The following PPP2R5B variants were observed in gnomAD, a reference collection of about 807,000 sequenced individuals.
The protein encoded by PPP2R5B is protein phosphatase 2 regulatory subunit B'beta, also known as serine/threonine-protein phosphatase 2A 56 kDa regulatory subunit beta isoform.
A neutral mutation model predicts 59.9 loss-of-function variants in PPP2R5B; 19 were observed. The observed-to-expected ratio is 0.32, with a 90% confidence interval of 0.22 to 0.47. The LOEUF is 0.47. Among genes scored for constraint, PPP2R5B ranks in the 20% least tolerant of loss-of-function variants. The pLI, the probability that PPP2R5B is intolerant of heterozygous loss-of-function variation, is 1.00. For missense variants in PPP2R5B, 441 were observed against 640.2 expected, an observed-to-expected ratio of 0.69 and a Z score of 3.36; for synonymous variants, 286 against 260.5, an observed-to-expected ratio of 1.10 and a Z score of -0.94.
Position 64,928,177 on chromosome 11 carries a change from G to A in PPP2R5B, c.591+19G>A. ...CCTGATGGTGAAGTGGGGAGCCCAG[G>A]CTGGGTGGTACCACAAGGCAGGGGC... On this transcript the variant is annotated intron_variant, in intron 5 of 13. Coordinates refer to ENST00000164133, the MANE Select transcript of PPP2R5B (RefSeq NM_006244.4). 1 of 1,614,068 alleles carries A rather than the reference G, an allele frequency of 6.2e-7. No individual in the cohort carries two copies. Among genetic ancestry groups the A allele is most frequent in the East Asian group, 2.2e-5 (1 of 44,890 alleles).
intron 6 of PPP2R5B, 79 bp from the exon 7 acceptor site, chr11:64,930,242 AG>A (rs1945213945): frequency 6.8e-7 from 1 of 1,473,736 alleles, no homozygotes. Context: ...CGTGCAGGTG[AG>A]GGTGGGCAGG....
At chr11:64,932,931 A>T (rs375866156) in intron 12 of PPP2R5B, 39 bp downstream of exon 12, 19 of 1,611,152 alleles carry the variant, frequency 1.2e-5, no homozygotes, top group Non-Finnish European at 1.6e-5. Context: ...AGAAACTGGG[A>T]CCAGGGCCAG....
At chr11:64,932,741 A>G (rs763230581) in intron 11 of PPP2R5B, 24 bp from the exon 12 acceptor site, 2 of 1,610,918 alleles carry the variant, frequency 1.2e-6, no homozygotes, top group African/African-American at 2.7e-5. Context: ...CCAGTTAATC[A>G]CTCTGCCATC....
At chr11:64,929,445 G>A (rs1039909330) in intron 6 of PPP2R5B, among the ~76,000 whole-genome samples, 2 of 152,204 alleles carry the variant, frequency 1.3e-5, no homozygotes, top group African/African-American at 4.8e-5. Flanking sequence ...GGGAATGCTG[G>A]CTGGGTGCAG....
intron 3 of PPP2R5B, 100 bp downstream of exon 3, chr11:64,927,008 A>G: frequency 7.2e-7 from 1 of 1,397,876 alleles, no homozygotes; most frequent in Non-Finnish European, 9.7e-7. Context: ...CCCTGTACTC[A>G]TCGGCTTGGC....
At chr11:64,928,490 G>A (rs1945193039) in intron 6 of PPP2R5B, 65 bp downstream of exon 6, 10 of 1,606,980 alleles carry the variant, frequency 6.2e-6, no homozygotes, top group Non-Finnish European at 8.5e-6. Flanking sequence ...GAAGACTGCG[G>A]CAAAGGCCAT....
upstream of PPP2R5B, chr11:64,924,438 T>G (rs76436719): frequency 0.048 from 7,329 of 152,446 alleles, 205 homozygotes; most frequent in Middle Eastern, 0.068. Flanking sequence ...TAAGCCCTCC[T>G]CTTTCCCTAT....
rs371904447 is a variant in PPP2R5B, at chr11:64,925,767, C to G, written c.33C>G (p.Pro11=). 3.8e-6 allele frequency: 6 copies of G among 1,593,348 alleles called. No individual in the cohort carries two copies. Among genetic ancestry groups the G allele is most frequent in the Non-Finnish European group, 5.1e-6 (6 of 1,167,780 alleles). The change falls in exon 2 of 14, where the codon CCC becomes CCG. Residue 11 remains proline, a synonymous_variant. Transcript: ENST00000164133. This position sits in a 1 kb window ranked among gnomAD's most constrained non-coding sequence, Gnocchi z 4.6. METKLPPAST[P]TSPSSPGLSP... ...CGAAGCTGCCCCCTGCAAGCACCCCCACTAGCCCCTCCTCCCCCGGGCTGT... is the reference window on the plus strand; with the variant it reads ...CGAAGCTGCCCCCTGCAAGCACCCCGACTAGCCCCTCCTCCCCCGGGCTGT...
In PPP2R5B at chr11:64,926,758, C is replaced by G; in HGVS notation, c.246C>G (p.Ala82=). The G allele has an allele frequency of 6.2e-7, 1 of 1,614,146 alleles. No homozygotes were observed. Among genetic ancestry groups the G allele is most frequent in the Non-Finnish European group, 8.5e-7 (1 of 1,180,016 alleles). The change falls in exon 3 of 14, where the codon GCC becomes GCG. Residue 82 remains alanine, a synonymous_variant. Transcript: ENST00000164133. ...ACGAGCTGCTGAGCCGGAAGCTGGC[C>G]CAGTGTGGGGTGATGTTTGACTTCT... ...ELHELLSRKL[A]QCGVMFDFLD...
Position 64,925,617 on chromosome 11 carries a change from C to G in PPP2R5B, c.-118C>G, listed in dbSNP as rs1330948647. ...GGGGGCCCAGGACTGTGGTTGTGCCCCCCCCCCAAAGGCCGGACAGGATGG... is the reference window on the plus strand; with the variant it reads ...GGGGGCCCAGGACTGTGGTTGTGCCGCCCCCCCAAAGGCCGGACAGGATGG... On this transcript the variant is annotated 5_prime_UTR_variant, in exon 2 of 14. Transcript: ENST00000164133. The surrounding 1 kb of genome is among the most constrained non-coding windows in gnomAD (Gnocchi z 4.6). The G allele has an allele frequency of 7.2e-6, 4 of 551,848 alleles. No individual in the cohort carries two copies. The South Asian group carries it at 8.1e-5, about 11-fold the overall frequency. The allele number at this position is 551,848 out of a possible 1,614,324, so 34.2% of individuals were successfully genotyped here. A position where few individuals can be genotyped will look rare whatever the true frequency, so the allele number is the denominator to read the frequency against.
At position 64,933,712 on chromosome 11, in the gene PPP2R5B, C is replaced by T; in HGVS notation, c.1362C>T (p.Ala454=). The T allele has an allele frequency of 6.4e-7, 1 of 1,556,146 alleles. No individual in the cohort carries two copies. Among genetic ancestry groups the T allele is most frequent in the Non-Finnish European group, 8.7e-7 (1 of 1,149,512 alleles). Reference sequence around the variant, plus strand: ...CTCTCCCCAGGGAGCAGCAGAAGGCCCAGGAGCGTCAGGAGTTATGGCAAG... The same window carrying T: ...CTCTCCCCAGGGAGCAGCAGAAGGCTCAGGAGCGTCAGGAGTTATGGCAAG... ...KLEKQQEQQK[A]QERQELWQGL... is the part of the protein sequence containing the mutation. The change falls in exon 14 of 14, where the codon GCC becomes GCT. Residue 454 remains alanine, a synonymous_variant. Transcript: ENST00000164133.
chr11:64,932,903 G>A lies in PPP2R5B; in HGVS notation c.1244+11G>A, dbSNP rs1196332847. On this transcript the variant is annotated intron_variant, in intron 12 of 13. Coordinates refer to ENST00000164133, the MANE Select transcript of PPP2R5B (RefSeq NM_006244.4). ...GGAGCACTGGAACCAGTGAGTGCCA[G>A]GCCATGACCTAACTCACAGAAACTG... 4.3e-6 allele frequency: 7 copies of A among 1,613,724 alleles called. No homozygotes were observed. The South Asian group carries it at 5.5e-5, about 13-fold the overall frequency.
intron 13 of PPP2R5B, 77 bp from the exon 14 acceptor site, chr11:64,933,620 G>A: frequency 8.2e-6 from 12 of 1,463,330 alleles, no homozygotes; most frequent in Non-Finnish European, 1.1e-5. Flanking sequence ...GGGTGGTAGT[G>A]AGGGAGTCTG....
chr11:64,930,738 C>T (rs901126460), intron 8 of PPP2R5B, 149 bp downstream of exon 8: 9 of 678,902 alleles, frequency 1.3e-5, no homozygotes, highest in African/African-American at 5.4e-5. Context: ...TTCCCACTGG[C>T]GCTTTAAGGC....
Position 64,931,791 on chromosome 11 carries a change from G to A in PPP2R5B, c.1039G>A (p.Glu347Lys). Residue 347 changes from glutamate to lysine, a missense_variant, in exon 11 of 14, where the codon GAG becomes AAG. By Grantham distance (56) the Glu-to-Lys change is moderately conservative (BLOSUM62 1). Around this residue, in one of 3 missense-constraint regions of PPP2R5B, gnomAD observed 268 missense variants for 488.1 expected, o/e 0.55. Coordinates refer to ENST00000164133, the MANE Select transcript of PPP2R5B (RefSeq NM_006244.4). The surrounding 1 kb of genome is among the most constrained non-coding windows in gnomAD (Gnocchi z 5.0). ...GEMEEILDVI[E>K]PSQFVKIQEP... ...GATGGAAGAGATTCTTGATGTCATC[G>A]AGCCCTCCCAGTTTGTGAAGATCCA... 3.1e-6 allele frequency: 5 copies of A among 1,614,088 alleles called. No individual in the cohort carries two copies. Among genetic ancestry groups the A allele is most frequent in the South Asian group, 1.1e-5 (1 of 91,086 alleles).
chr11:64,918,078 C>T lies in PPP2R5B; in HGVS notation c.-265+438C>T, dbSNP rs569999994. Among the ~76,000 whole-genome samples the T allele has an allele frequency of 2.0e-5, 3 of 152,274 alleles. No individual in the cohort carries two copies. In the South Asian group the frequency reaches 6.2e-4, roughly 32 times the overall value. ...GGGGAAAAATCAAAAGAAGAATGAA[C>T]TTTTCATGGCATGTGAAAAATCATA... On this transcript the variant is annotated intron_variant, in intron 1 of 4. Transcript: ENST00000526559.
At chr11:64,920,692 C>T (rs916761003), upstream of PPP2R5B, among the ~76,000 whole-genome samples, 7 of 149,944 alleles carry the variant, frequency 4.7e-5, no homozygotes, top group Admixed American at 6.6e-5. Flanking sequence ...TGCAGTGGCG[C>T]GATCTCAGCT....
rs188478728 is a variant in PPP2R5B, at chr11:64,934,277, G to A, written c.*433G>A. The A allele has an allele frequency of 9.1e-4, 214 of 234,462 alleles. 2 individuals are homozygous for A. Among genetic ancestry groups the A allele is most frequent in the South Asian group, 4.2e-3 (57 of 13,604 alleles). The allele number at this position is 234,462 out of a possible 1,614,324, so 14.5% of individuals were successfully genotyped here. A position where few individuals can be genotyped will look rare whatever the true frequency, so the allele number is the denominator to read the frequency against. On this transcript the variant is annotated 3_prime_UTR_variant, in exon 14 of 14. Coordinates refer to ENST00000164133, the MANE Select transcript of PPP2R5B (RefSeq NM_006244.4). ...TCTCGCCCAGCTCACCCTCTACACAGACACTGTCCTGGGTGCACACTCCTC... is the reference window on the plus strand; with the variant it reads ...TCTCGCCCAGCTCACCCTCTACACAAACACTGTCCTGGGTGCACACTCCTC...
chr11:64,931,844 C>T lies in PPP2R5B; in HGVS notation c.1092C>T (p.Arg364=). 6.2e-7 allele frequency: 1 copy of T among 1,614,118 alleles called. No homozygotes were observed. The highest frequency in any genetic ancestry group is 8.5e-7 in the Non-Finnish European group (1 of 1,180,012). Residue 364 remains arginine (R), a synonymous_variant, in exon 11 of 14, where the codon CGC becomes CGT. Coordinates refer to ENST00000164133, the MANE Select transcript of PPP2R5B (RefSeq NM_006244.4). This position sits in a 1 kb window ranked among gnomAD's most constrained non-coding sequence, Gnocchi z 5.0. ...IQEPLFKQVA[R]CVSSPHFQVA... ...AGCCCCTTTTTAAGCAGGTGGCTCG[C>T]TGTGTTTCCAGCCCCCATTTCCAGG...
Sources: gnomAD v4.1 joint callset for allele counts (sites outside exome capture counted in the v4.1 genomes callset) on GRCh38, gnomAD v4.1.1 for gene constraint, gnomAD v4.1.1 regional missense constraint, Gnocchi (gnomAD v3.1) non-coding constraint, MANE v1.5 for transcripts, NCBI Gene and HGNC (gene_info 2026-07-23, HGNC 2026-07-21) for gene names.